The following WDR89 variants were observed in gnomAD, a reference collection of about 807,000 sequenced individuals.
The protein encoded by WDR89 is WD repeat domain 89.
In WDR89, 17 loss-of-function variants were observed where a neutral mutation model predicts 29.1. The observed-to-expected ratio is 0.58, with a 90% CI of 0.40 to 0.88. The LOEUF is 0.88. Ranked by LOEUF, WDR89 falls within the 40% of genes least tolerant of loss-of-function variation. WDR89 has a pLI of 0.00. For synonymous variants in WDR89, 138 were observed against 157.8 expected (o/e 0.87, Z 0.94); for missense variants, 396 against 456.3 (o/e 0.87, Z 1.20).
In WDR89 at chr14:63,597,953, G is replaced by C. The variant is rs1309248105; in HGVS notation, c.*826C>G. 1 of 152,194 alleles carries C rather than the reference G, an allele frequency of 6.6e-6. No homozygotes were observed. Among genetic ancestry groups the C allele is most frequent in the Non-Finnish European group, 1.5e-5 (1 of 68,058 alleles). The allele number at this position is 152,194 out of a possible 1,614,324, so 9.4% of individuals were successfully genotyped here. A position where few individuals can be genotyped will look rare whatever the true frequency, so the allele number is the denominator to read the frequency against. ...TCTAGGGTAATAGTGGTGAGGTAAA[G>C]GCAAAAGGATAGCTGACAGACGTTA... On this transcript the variant is annotated 3_prime_UTR_variant, in exon 3 of 3. Transcript: ENST00000620954.
intron 1 of WDR89, among the ~76,000 whole-genome samples, chr14:63,640,782 T>C (rs1291203613): frequency 6.7e-6 from 1 of 149,914 alleles, no homozygotes; most frequent in African/African-American, 2.4e-5. Flanking sequence ...AGGCTTTTAT[T>C]GACTTTAAAT....
chr14:63,598,672 A>C lies in WDR89; in HGVS notation c.*107T>G, dbSNP rs1406737830. 9.8e-7 allele frequency: 1 copy of C among 1,020,598 alleles called. No individual in the cohort carries two copies. Among genetic ancestry groups the C allele is most frequent in the Non-Finnish European group, 1.3e-6 (1 of 749,266 alleles). The allele number at this position is 1,020,598 out of a possible 1,614,324, so 63.2% of individuals were successfully genotyped here. A position where few individuals can be genotyped will look rare whatever the true frequency, so the allele number is the denominator to read the frequency against. On this transcript the variant is annotated 3_prime_UTR_variant, in exon 3 of 3. Coordinates refer to ENST00000620954, the MANE Select transcript of WDR89 (RefSeq NM_080666.4). Reference sequence around the variant, plus strand: ...CCATATTTTTCCAGGACTGTTTGCTAACTGGCTTGTTTTTACATAAAGCTT... The same window carrying C: ...CCATATTTTTCCAGGACTGTTTGCTCACTGGCTTGTTTTTACATAAAGCTT...
chr14:63,630,265 T>C (rs986666574), intron 1 of WDR89, among the ~76,000 whole-genome samples: 1 of 151,212 alleles, frequency 6.6e-6, no homozygotes, highest in African/African-American at 2.4e-5. Flanking sequence ...ACATATTAAA[T>C]TGCTCACATT....
At chr14:63,604,733 T>C (rs901384055) in intron 2 of WDR89, among the ~76,000 whole-genome samples, 1 of 152,236 alleles carries the variant, frequency 6.6e-6, no homozygotes, top group Non-Finnish European at 1.5e-5. Flanking sequence ...CTTGCTTATT[T>C]GTTAATAAGT....
rs529525283 is a variant in WDR89, at chr14:63,609,165, T to C, written c.-31-9192A>G. Among the ~76,000 whole-genome samples the C allele has an allele frequency of 6.0e-5, 9 of 150,614 alleles. No homozygotes were observed. The Middle Eastern group carries it at 0.01, about 174-fold the overall frequency. On this transcript the variant is annotated intron_variant, in intron 2 of 2. Transcript: ENST00000620954. Reference sequence around the variant, plus strand: ...AAGACTGGTACTAGGACAGAGGTGATAGAAACACAAAGCAGAAGTAAGCAG... The same window carrying C: ...AAGACTGGTACTAGGACAGAGGTGACAGAAACACAAAGCAGAAGTAAGCAG...
chr14:63,639,640 A>G (rs1883970064), intron 1 of WDR89, among the ~76,000 whole-genome samples: 1 of 152,212 alleles, frequency 6.6e-6, no homozygotes, highest in Admixed American at 6.5e-5. Context: ...AGATTTATCA[A>G]AATTCTCTTG....
At chr14:63,631,060 C>G (rs959237580) in intron 1 of WDR89, among the ~76,000 whole-genome samples, 2 of 152,188 alleles carry the variant, frequency 1.3e-5, no homozygotes, top group Admixed American at 1.3e-4. Context: ...CCACTGGGCC[C>G]AGCCTGTACT....
At chr14:63,605,195 C>T (rs1244442898) in intron 2 of WDR89, among the ~76,000 whole-genome samples, 4 of 134,852 alleles carry the variant, frequency 3.0e-5, no homozygotes, top group South Asian at 2.3e-4. Context: ...CACACACACA[C>T]ATATATACAT....
At chr14:63,637,064 GA>G (rs58721506) in intron 1 of WDR89, among the ~76,000 whole-genome samples, 13,852 of 151,412 alleles carry the variant, frequency 0.091, 1,221 homozygotes, top group African/African-American at 0.24. Context: ...AAATCAGTAA[GA>G]AAAAAAACAA....
chr14:63,637,774 A>ACT (rs1883830427), intron 1 of WDR89, among the ~76,000 whole-genome samples: 1 of 151,996 alleles, frequency 6.6e-6, no homozygotes, highest in Non-Finnish European at 1.5e-5. Context: ...AGGCATAAGA[A>ACT]TGATACAATG....
At chr14:63,612,536 C>T (rs774880111) in intron 2 of WDR89, among the ~76,000 whole-genome samples, 3 of 151,816 alleles carry the variant, frequency 2.0e-5, no homozygotes, top group East Asian at 1.9e-4. Flanking sequence ...CCACCATGCC[C>T]GACTAATTTT....
chr14:63,632,198 A>G (rs1462189590), intron 1 of WDR89, among the ~76,000 whole-genome samples: 1 of 152,102 alleles, frequency 6.6e-6, no homozygotes, highest in Non-Finnish European at 1.5e-5. Flanking sequence ...AAACAAAGAA[A>G]TGCCCTTAGT....
At chr14:63,609,124 CA>C (rs11420120) in intron 2 of WDR89, among the ~76,000 whole-genome samples, 1 of 150,810 alleles carries the variant, frequency 6.6e-6, no homozygotes, top group Non-Finnish European at 1.5e-5. Flanking sequence ...AAAAAAAACC[CA>C]AAAAAACAAA....
chr14:63,615,889 A>C (rs1882271767), intron 2 of WDR89, among the ~76,000 whole-genome samples: 1 of 150,342 alleles, frequency 6.7e-6, no homozygotes, highest in Non-Finnish European at 1.5e-5. Context: ...GTGCCACTGC[A>C]CTCCAGCCTT....
At chr14:63,627,612 ACT>A (rs942896338) in intron 1 of WDR89, among the ~76,000 whole-genome samples, 1 of 151,896 alleles carries the variant, frequency 6.6e-6, no homozygotes, top group East Asian at 1.9e-4. Context: ...TTATCTTTTT[ACT>A]CTCTCTCTAG....
rs139818037 is a variant in WDR89, at chr14:63,635,292, G to A, written c.-138+6512C>T. ...AAGATAATCCTCCATGATCAAGTAG[G>A]TTTCATACCAGGAATGCAGGGATGG... On this transcript the variant is annotated intron_variant, in intron 1 of 2. Coordinates refer to ENST00000620954, the MANE Select transcript of WDR89 (RefSeq NM_080666.4). Among the ~76,000 whole-genome samples the A allele has an allele frequency of 1.3e-3, 202 of 152,238 alleles. No homozygotes were observed. In the East Asian group the frequency reaches 0.032, roughly 24 times the overall value.
At chr14:63,618,335 A>G (rs962213235) in intron 2 of WDR89, among the ~76,000 whole-genome samples, 2 of 152,008 alleles carry the variant, frequency 1.3e-5, no homozygotes, top group East Asian at 1.9e-4. Flanking sequence ...TTGTATTTCT[A>G]TAAGAGATGG....
intron 1 of WDR89, among the ~76,000 whole-genome samples, chr14:63,635,836 G>A (rs903664515): frequency 5.9e-5 from 9 of 152,126 alleles, no homozygotes; most frequent in African/African-American, 1.7e-4. Context: ...CATCAACAGC[G>A]ACCAAGCAGA....
At chr14:63,607,534 C>T (rs1881647023) in intron 2 of WDR89, among the ~76,000 whole-genome samples, 1 of 152,062 alleles carries the variant, frequency 6.6e-6, no homozygotes, top group East Asian at 1.9e-4. Flanking sequence ...TTATATTCCC[C>T]AAAAGTTATC....
Sources: gnomAD v4.1 joint callset for allele counts (sites outside exome capture counted in the v4.1 genomes callset) on GRCh38, gnomAD v4.1.1 for gene constraint, MANE v1.5 for transcripts, NCBI Gene and HGNC (gene_info 2026-07-23, HGNC 2026-07-21) for gene names.